Variants in CD44 observed in about 807,000 individuals in gnomAD.
CD44 encodes CD44 molecule (IN blood group), also known as CD44 antigen.
Under a neutral mutation model 88.8 loss-of-function variants are expected in CD44, and 49 were observed. The ratio of observed to expected loss-of-function variants is 0.55; its 90% CI spans 0.44 to 0.70. The LOEUF (loss-of-function observed/expected upper bound fraction) is 0.70. Among genes scored for constraint, CD44 ranks in the 30% least tolerant of loss-of-function variants. The pLI, the probability that CD44 is intolerant of heterozygous loss-of-function variation, is 0.00. For synonymous variants in CD44, 325 were observed against 312.3 expected (o/e 1.04, Z -0.43); for missense variants, 883 against 913.8 (o/e 0.97, Z 0.43).
intron 1 of CD44, among the ~76,000 whole-genome samples, chr11:35,145,633 T>C (rs1380578561): frequency 6.6e-6 from 1 of 151,948 alleles, no homozygotes; most frequent in African/African-American, 2.4e-5. Flanking sequence ...ACAAAAACAC[T>C]CCCCAGCAGC....
At chr11:35,146,668 G>A (rs921406110) in intron 1 of CD44, among the ~76,000 whole-genome samples, 1 of 152,214 alleles carries the variant, frequency 6.6e-6, no homozygotes, top group Non-Finnish European at 1.5e-5. Flanking sequence ...GATAAGTGAT[G>A]GCGCTGGGAT....
At chr11:35,141,984 C>A (rs1421760181) in intron 1 of CD44, among the ~76,000 whole-genome samples, 4 of 152,140 alleles carry the variant, frequency 2.6e-5, no homozygotes, top group Non-Finnish European at 5.9e-5. Context: ...GGAGTCCAGT[C>A]TTTGTATGGG....
chr11:35,186,940 T>C, intron 4 of CD44, 40 bp downstream of exon 4: 1 of 1,228,284 alleles, frequency 8.1e-7, no homozygotes, highest in Non-Finnish European at 1.2e-6. Flanking sequence ...TTTCCTATTT[T>C]GGGGAAAGGG....
chr11:35,210,209 T>C lies in CD44; in HGVS notation c.1606+155T>C, dbSNP rs1948265432. ...GCGTCTGGTGGTGGTTCTCTGATTT[T>C]TCTGTTTTATATACCTCTTCGTACA... On this transcript the variant is annotated intron_variant, in intron 13 of 17. Coordinates refer to ENST00000428726, the MANE Select transcript of CD44 (RefSeq NM_000610.4). 5 of 504,064 alleles carry C rather than the reference T, an allele frequency of 9.9e-6. 1 individual carries two copies. In the South Asian group the frequency reaches 1.6e-4, roughly 16 times the overall value. The allele number at this position is 504,064 out of a possible 1,614,324, so 31.2% of individuals were successfully genotyped here.
intron 1 of CD44, among the ~76,000 whole-genome samples, chr11:35,157,366 TC>T (rs1196239244): frequency 1.3e-5 from 2 of 150,620 alleles, no homozygotes; most frequent in South Asian, 2.1e-4. Flanking sequence ...TATCTATCTA[TC>T]ATCTGTCTGT....
chr11:35,139,909 G>C (rs940105854), intron 1 of CD44, among the ~76,000 whole-genome samples: 3 of 152,252 alleles, frequency 2.0e-5, no homozygotes, highest in African/African-American at 7.2e-5. Context: ...TCCCCACTGA[G>C]CCTTGTTCCA....
chr11:35,205,999 A>G, intron 10 of CD44, 113 bp from the exon 11 acceptor site: 1 of 1,383,112 alleles, frequency 7.2e-7, no homozygotes, highest in Admixed American at 3.5e-5. Context: ...TACAAGGAAG[A>G]TGGTTTCATT....
At chr11:35,156,934 T>C (rs1007764885) in intron 1 of CD44, among the ~76,000 whole-genome samples, 2 of 152,188 alleles carry the variant, frequency 1.3e-5, no homozygotes, top group Non-Finnish European at 2.9e-5. Flanking sequence ...CTCAGGAGGC[T>C]GAGGTGGGAG....
Position 35,198,260 on chromosome 11 carries a change from A to G in CD44, c.922+14A>G. 1 of 1,612,816 alleles carries G rather than the reference A, an allele frequency of 6.2e-7. No homozygotes were observed. The highest frequency in any genetic ancestry group is 8.5e-7 in the Non-Finnish European group (1 of 1,179,056). On this transcript the variant is annotated intron_variant, in intron 7 of 17. Coordinates refer to ENST00000428726, the MANE Select transcript of CD44 (RefSeq NM_000610.4). ...TCTCCAGCACCAGTAAGAATAATCA[A>G]TTACAGTACAGCCATTTATGCAAGG... is the stretch of plus-strand genomic sequence containing the variant.
chr11:35,212,272 A>G (rs1428659979), intron 14 of CD44, among the ~76,000 whole-genome samples: 1 of 152,192 alleles, frequency 6.6e-6, no homozygotes, highest in Admixed American at 6.5e-5. Flanking sequence ...TAGTTTTTCA[A>G]TTGCTTTGTA....
rs770439077 is a variant in CD44 at position 35,229,234 on chromosome 11, G to A, written c.2130G>A (p.Val710=). The A allele has an allele frequency of 7.4e-6, 12 of 1,614,008 alleles. No individual in the cohort carries two copies. Among genetic ancestry groups the A allele is most frequent in the Non-Finnish European group, 1.0e-5 (12 of 1,179,884 alleles). The change falls in exon 18 of 18, where the codon GTG becomes GTA. Residue 710 remains valine (V), a synonymous_variant. Transcript: ENST00000428726. ...AGGCCAGCAAGTCTCAGGAAATGGT[G>A]CATTTGGTGAACAAGGAGTCGTCAG... ...NGEASKSQEM[V]HLVNKESSET...
In CD44 at chr11:35,139,278, C is replaced by A; in HGVS notation, c.-26C>A. The A allele has an allele frequency of 1.3e-6, 2 of 1,549,850 alleles. No individual in the cohort carries two copies. Among genetic ancestry groups the A allele is most frequent in the Non-Finnish European group, 1.7e-6 (2 of 1,144,462 alleles). The stretch of plus-strand genomic sequence containing the variant: ...CAGGGATCCTCCAGCTCCTTTCGCC[C>A]GCGCCCTCCGTTCGCTCCGGACACC... On this transcript the variant is annotated 5_prime_UTR_variant, in exon 1 of 18. Coordinates refer to ENST00000428726, the MANE Select transcript of CD44 (RefSeq NM_000610.4).
intron 12 of CD44, among the ~76,000 whole-genome samples, chr11:35,209,456 A>T (rs1591279072): frequency 6.6e-6 from 1 of 152,126 alleles, no homozygotes; most frequent in East Asian, 1.9e-4. Context: ...TATAAATTTG[A>T]TCTGTGTTAC....
Position 35,206,246 on chromosome 11 carries a change from A to G in CD44, c.1414+3A>G. 6.3e-7 allele frequency: 1 copy of G among 1,593,524 alleles called. No homozygotes were observed. The highest frequency in any genetic ancestry group is 1.8e-5 in the Admixed American group (1 of 54,368). ...TCATCAAGCAGGAAGAAGGATGGGT[A>G]ATAGCCTCTGAGATTTTTATATATT... On this transcript the variant is annotated splice_donor_region_variant and intron_variant, in intron 11 of 17. Transcript: ENST00000428726.
chr11:35,141,431 A>G (rs927089942), intron 1 of CD44, among the ~76,000 whole-genome samples: 1 of 152,184 alleles, frequency 6.6e-6, no homozygotes. Flanking sequence ...GAGAAGAGTC[A>G]AGCTGGAGAT....
chr11:35,197,661 C>T (rs1386823971), intron 6 of CD44: 1 of 146,498 alleles, frequency 6.8e-6, no homozygotes, highest in African/African-American at 2.6e-5. Flanking sequence ...AAATTGTGAA[C>T]ACAATGAAAT....
intron 5 of CD44, among the ~76,000 whole-genome samples, chr11:35,193,932 G>A (rs370252822): frequency 6.6e-6 from 1 of 152,210 alleles, no homozygotes. Flanking sequence ...TTGACCTGAG[G>A]CTGATGCGTG....
At chr11:35,223,082 T>G in intron 17 of CD44, 3 of 985,310 alleles carry the variant, frequency 3.0e-6, no homozygotes, top group Non-Finnish European at 3.6e-6. Flanking sequence ...CAAACAGCTA[T>G]GTTGCTATCT....
At chr11:35,226,997 G>A (rs1445899984) in intron 17 of CD44, among the ~76,000 whole-genome samples, 6 of 141,710 alleles carry the variant, frequency 4.2e-5, no homozygotes, top group African/African-American at 1.3e-4. Context: ...CAATTCTCCT[G>A]CTTCAGTCTC....
Sources: allele counts gnomAD v4.1 joint callset (sites outside exome capture counted in the v4.1 genomes callset), GRCh38; gene constraint gnomAD v4.1.1; transcripts MANE v1.5; gene names NCBI Gene and HGNC (gene_info 2026-07-23, HGNC 2026-07-21).